The following H6PD variants were observed in gnomAD, a reference collection of about 807,000 sequenced individuals.
H6PD encodes the protein hexose-6-phosphate dehydrogenase/glucose 1-dehydrogenase, also known as GDH/6PGL endoplasmic bifunctional protein.
H6PD carries 48 observed loss-of-function variants against 61.2 expected under a neutral mutation model. That is an observed-to-expected ratio of 0.78 (90% CI 0.62 to 1.00). The LOEUF is 1.00. H6PD is among the 50% of genes least tolerant of loss of function. The probability of loss-of-function intolerance (pLI) is 0.00; values close to 1 mark genes in which losing one functional copy is unlikely to be tolerated. For missense variants in H6PD, 1,093 were observed against 1,065.0 expected, an observed-to-expected ratio of 1.03 and a Z score of -0.37; for synonymous variants, 480 against 457.9, an observed-to-expected ratio of 1.05 and a Z score of -0.62.
rs115051408 is a variant in H6PD, at chr1:9,265,773, T to C, written c.*904T>C. The C allele has an allele frequency of 0.03, 4,611 of 151,342 alleles. 86 individuals are homozygous for C. The highest frequency in any genetic ancestry group is 0.054 in the Admixed American group (822 of 15,166). The allele number at this position is 151,342 out of a possible 1,614,324, so 9.4% of individuals were successfully genotyped here. On this transcript the variant is annotated 3_prime_UTR_variant, in exon 5 of 5. Coordinates refer to ENST00000377403, the MANE Select transcript of H6PD (RefSeq NM_004285.4). ...CCTCCCAGAGTGCTGGGATTACAGG[T>C]GTGAGCTACTGCGCCCAGCCCCAGA...
intron 1 of H6PD, among the ~76,000 whole-genome samples, chr1:9,235,674 A>G (rs2100297451): frequency 6.6e-6 from 1 of 152,306 alleles, no homozygotes; most frequent in Non-Finnish European, 1.5e-5. Flanking sequence ...ACAGTGGCAC[A>G]AACACGGTTC....
At chr1:9,240,755 A>G (rs1280404149) in intron 1 of H6PD, among the ~76,000 whole-genome samples, 3 of 152,204 alleles carry the variant, frequency 2.0e-5, no homozygotes, top group African/African-American at 7.2e-5. Flanking sequence ...AACTTCAAGT[A>G]TGTAATTTCG....
rs1638702989 is a variant in H6PD at position 9,270,163 on chromosome 1, C to T, written c.*5294C>T. 1 of 152,676 alleles carries T rather than the reference C, an allele frequency of 6.5e-6. No homozygotes were observed. The allele number at this position is 152,676 out of a possible 1,614,324, so 9.5% of individuals were successfully genotyped here. A position where few individuals can be genotyped will look rare whatever the true frequency, so the allele number is the denominator to read the frequency against. ...GGAGAGCACTGGAGTAATGACACTT[C>T]TGCTGCTGCTTTGATTCTCAAGGCT... is the stretch of plus-strand genomic sequence containing the variant. On this transcript the variant is annotated 3_prime_UTR_variant, in exon 5 of 5. Coordinates refer to ENST00000377403, the MANE Select transcript of H6PD (RefSeq NM_004285.4).
intron 1 of H6PD, among the ~76,000 whole-genome samples, chr1:9,237,959 A>G (rs1232824489): frequency 6.6e-6 from 1 of 152,156 alleles, no homozygotes; most frequent in Admixed American, 6.6e-5. Flanking sequence ...TGGCACGCAC[A>G]CTCTTGGGAA....
Position 9,262,196 on chromosome 1 carries a change from C to G in H6PD, c.883C>G (p.Gln295Glu). The G allele has an allele frequency of 6.2e-7, 1 of 1,614,218 alleles. No homozygotes were observed. The highest frequency in any genetic ancestry group is 8.5e-7 in the Non-Finnish European group (1 of 1,180,030). ...SAEAVLRHKLQVFQALRGLQR... is the reference protein window; with the variant it reads ...SAEAVLRHKLEVFQALRGLQR... ...GGAGGCTGTGCTGCGGCACAAGCTTCAGGTCTTCCAGGCGCTGCGGGGCCT... is the reference window on the plus strand; with the variant it reads ...GGAGGCTGTGCTGCGGCACAAGCTTGAGGTCTTCCAGGCGCTGCGGGGCCT... Residue 295 changes from glutamine to glutamate, a missense_variant, in exon 4 of 5, where the codon CAG (glutamine) becomes GAG (glutamate). Physicochemically the swap from Gln to Glu is conservative, Grantham distance 29. Coordinates refer to ENST00000377403, the MANE Select transcript of H6PD (RefSeq NM_004285.4).
At position 9,269,979 on chromosome 1, in the gene H6PD, G is replaced by A. The variant is rs747068840; in HGVS notation, c.*5110G>A. On this transcript the variant is annotated 3_prime_UTR_variant, in exon 5 of 5. Transcript: ENST00000377403. The surrounding 1 kb of genome is among the most constrained non-coding windows in gnomAD (Gnocchi z 4.3). ...GCTCATGCTGTCATCAGCACAAGAC[G>A]GGATGGCAAGGGCTTTCAGACGCAT... The A allele has an allele frequency of 5.2e-5, 8 of 152,752 alleles. No homozygotes were observed. The highest frequency in any genetic ancestry group is 3.4e-3 in the Middle Eastern group (1 of 294). 9.5% of individuals were successfully genotyped at this position (152,752 alleles called of 1,614,324 possible).
chr1:9,248,133 G>T (rs996691244), intron 3 of H6PD, among the ~76,000 whole-genome samples: 2 of 152,190 alleles, frequency 1.3e-5, no homozygotes, highest in Non-Finnish European at 2.9e-5. Flanking sequence ...GCTCATCCCC[G>T]CGGCCGCTTT....
rs779314975 is a variant in H6PD at position 9,262,226 on chromosome 1, A to G, written c.913A>G (p.Arg305Gly). ...CTTCCAGGCGCTGCGGGGCCTGCAG[A>G]GGGGCAGTGCCGTCGTGGGCCAGTA... ...QVFQALRGLQ[R>G]GSAVVGQYQS... is the part of the protein sequence containing the mutation. The change falls in exon 4 of 5, where the codon AGG becomes GGG. Residue 305 changes from arginine (R) to glycine (G), a missense_variant. By Grantham distance (125) the Arg-to-Gly change is moderately radical. Transcript: ENST00000377403. The G allele has an allele frequency of 4.3e-5, 70 of 1,613,676 alleles. No homozygotes were observed. Among genetic ancestry groups the G allele is most frequent in the Admixed American group, 1.5e-4 (9 of 59,964 alleles).
At chr1:9,250,353 G>A (rs1003343230) in intron 3 of H6PD, among the ~76,000 whole-genome samples, 2 of 150,674 alleles carry the variant, frequency 1.3e-5, no homozygotes, top group African/African-American at 4.9e-5. Flanking sequence ...CAAAGTGCAC[G>A]GCAGGCCATT....
At chr1:9,256,950 C>T (rs1055009668) in intron 3 of H6PD, among the ~76,000 whole-genome samples, 6 of 151,990 alleles carry the variant, frequency 3.9e-5, no homozygotes, top group Admixed American at 1.3e-4. Flanking sequence ...TGTATGTGTC[C>T]GAGCATGGAT....
Position 9,265,172 on chromosome 1 carries a change from G to A in H6PD, c.*303G>A, listed in dbSNP as rs1042347684. On this transcript the variant is annotated 3_prime_UTR_variant, in exon 5 of 5. Coordinates refer to ENST00000377403, the MANE Select transcript of H6PD (RefSeq NM_004285.4). ...AGCAGTTACACATTCATATCAACCAGCACAACACGGGATGGCGCCCAAACT... is the reference window on the plus strand; with the variant it reads ...AGCAGTTACACATTCATATCAACCAACACAACACGGGATGGCGCCCAAACT... The A allele has an allele frequency of 2.1e-6, 1 of 483,844 alleles. No individual in the cohort carries two copies. Among genetic ancestry groups the A allele is most frequent in the Admixed American group, 3.3e-5 (1 of 30,258 alleles). 30.0% of individuals were successfully genotyped at this position (483,844 alleles called of 1,614,324 possible). A position where few individuals can be genotyped will look rare whatever the true frequency, so the allele number is the denominator to read the frequency against.
intron 3 of H6PD, among the ~76,000 whole-genome samples, chr1:9,249,307 G>GCA (rs1641284504): frequency 6.6e-6 from 1 of 152,182 alleles, no homozygotes; most frequent in East Asian, 1.9e-4. Context: ...TTGCAGGCCC[G>GCA]ATTATCCTAG....
intron 1 of H6PD, among the ~76,000 whole-genome samples, chr1:9,240,322 C>T (rs1376006050): frequency 6.6e-6 from 1 of 152,106 alleles, no homozygotes; most frequent in Non-Finnish European, 1.5e-5. Context: ...CAGCTCTTGG[C>T]TTCATATTTT....
At chr1:9,258,224 T>C (rs559902786) in intron 3 of H6PD, among the ~76,000 whole-genome samples, 2 of 152,164 alleles carry the variant, frequency 1.3e-5, no homozygotes, top group African/African-American at 2.4e-5. Context: ...TATGTTGCTG[T>C]TGTTACGCTG....
At chr1:9,252,161 T>G (rs1468464368) in intron 3 of H6PD, among the ~76,000 whole-genome samples, 1 of 152,202 alleles carries the variant, frequency 6.6e-6, no homozygotes, top group East Asian at 1.9e-4. Context: ...TCCACGTGAC[T>G]TATATTGGAT....
intron 3 of H6PD, among the ~76,000 whole-genome samples, chr1:9,249,058 G>A (rs947685779): frequency 6.6e-6 from 1 of 152,206 alleles, no homozygotes. Context: ...GCGGGCCGGC[G>A]CTTGCCCTTC....
chr1:9,248,197 C>T (rs1054288547), intron 3 of H6PD, among the ~76,000 whole-genome samples: 17 of 152,360 alleles, frequency 1.1e-4, no homozygotes, highest in East Asian at 9.7e-4. Flanking sequence ...CCCCGCAGTG[C>T]GTGCCCGCCA....
At position 9,263,563 on chromosome 1, in the gene H6PD, T is replaced by A. The variant is rs1638412187; in HGVS notation, c.1070T>A (p.Met357Lys). The A allele has an allele frequency of 1.2e-6, 2 of 1,614,212 alleles. No individual in the cohort carries two copies. The highest frequency in any genetic ancestry group is 4.5e-5 in the East Asian group (2 of 44,888). ...LRWEGVPFIL[M>K]SGKALDERVG... is the part of the protein sequence containing the mutation. Reference sequence around the variant, plus strand: ...TGGGAGGGCGTGCCTTTCATCCTGATGTCTGGCAAAGCCTTGGACGAGAGA... The same window carrying A: ...TGGGAGGGCGTGCCTTTCATCCTGAAGTCTGGCAAAGCCTTGGACGAGAGA... The change falls in exon 5 of 5, where the codon ATG becomes AAG. Residue 357 changes from methionine (M) to lysine (K), a missense_variant. Transcript: ENST00000377403.
chr1:9,261,432 C>T (rs916208884), intron 3 of H6PD, among the ~76,000 whole-genome samples: 2 of 152,060 alleles, frequency 1.3e-5, no homozygotes, highest in African/African-American at 4.8e-5. Context: ...CTTCAGGTCT[C>T]GGAGGGGCCT....
Sources: allele counts gnomAD v4.1 joint callset (sites outside exome capture counted in the v4.1 genomes callset), GRCh38; gene constraint gnomAD v4.1.1; non-coding constraint Gnocchi (gnomAD v3.1); transcripts MANE v1.5; gene names NCBI Gene and HGNC (gene_info 2026-07-23, HGNC 2026-07-21).